The following IL12RB2 variants were observed in gnomAD, a reference collection of about 807,000 sequenced individuals.
IL12RB2 encodes interleukin 12 receptor subunit beta 2.
In IL12RB2, 82 loss-of-function variants were observed where a neutral mutation model predicts 89.4. That is an observed-to-expected ratio of 0.92 (90% confidence interval 0.77 to 1.10). IL12RB2 has a LOEUF of 1.10. Among genes scored for constraint, IL12RB2 ranks in the 50% least tolerant of loss-of-function variants. IL12RB2 has a pLI of 0.00. For synonymous variants in IL12RB2, 368 were observed against 370.1 expected (o/e 0.99, Z 0.07); for missense variants, 963 against 1,031.9 (o/e 0.93, Z 0.92).
At chr1:67,325,967 G>A (rs1657227163) in intron 4 of IL12RB2, among the ~76,000 whole-genome samples, 2 of 152,174 alleles carry the variant, frequency 1.3e-5, no homozygotes, top group Non-Finnish European at 2.9e-5. Flanking sequence ...TACAATAGAA[G>A]GGACCATGCT....
Position 67,398,596 on chromosome 1 carries a change from T to C in IL12RB2, c.*2507T>C, listed in dbSNP as rs921453971. The stretch of plus-strand genomic sequence containing the variant: ...TGAGGCCTCCTCAGCATGATTTCCA[T>C]ATACTTACTTTCTCTGTTGGACTGC... On this transcript the variant is annotated 3_prime_UTR_variant, in exon 17 of 17. Coordinates refer to ENST00000674203, the MANE Select transcript of IL12RB2 (RefSeq NM_001374259.2). Among the ~76,000 whole-genome samples, 18 of 151,804 alleles carry C rather than the reference T, an allele frequency of 1.2e-4. No individual in the cohort carries two copies. The highest frequency in any genetic ancestry group is 1.5e-5 in the Non-Finnish European group (1 of 67,956).
At chr1:67,378,913 A>G (rs1371220035) in intron 13 of IL12RB2, among the ~76,000 whole-genome samples, 1 of 148,924 alleles carries the variant, frequency 6.7e-6, no homozygotes, top group South Asian at 2.1e-4. Context: ...TTAAACTTAC[A>G]TAGGCTGGGT....
chr1:67,322,436 C>CAA (rs56249028), intron 4 of IL12RB2, among the ~76,000 whole-genome samples: 11 of 127,222 alleles, frequency 8.6e-5, no homozygotes, highest in South Asian at 2.7e-4. Flanking sequence ...CTGACTCCAG[C>CAA]AAAAAAAAAA....
intron 11 of IL12RB2, among the ~76,000 whole-genome samples, chr1:67,372,058 G>A (rs1663404027): frequency 8.2e-6 from 1 of 122,634 alleles, no homozygotes; most frequent in Non-Finnish European, 1.8e-5. Flanking sequence ...TTCAAAAGCA[G>A]TCTGGGTGCG....
chr1:67,387,068 A>G (rs2100239443), intron 15 of IL12RB2, among the ~76,000 whole-genome samples: 1 of 151,538 alleles, frequency 6.6e-6, no homozygotes, highest in East Asian at 2.0e-4. Flanking sequence ...AGCTGGGATT[A>G]CAGGTGCCCA....
At chr1:67,365,567 C>T (rs1662580025) in intron 10 of IL12RB2, among the ~76,000 whole-genome samples, 1 of 152,100 alleles carries the variant, frequency 6.6e-6, no homozygotes, top group Admixed American at 6.6e-5. Context: ...TCAGACATTA[C>T]AAAGCCTGGT....
At chr1:67,365,834 C>G (rs1662607037) in intron 10 of IL12RB2, among the ~76,000 whole-genome samples, 1 of 152,044 alleles carries the variant, frequency 6.6e-6, no homozygotes, top group Non-Finnish European at 1.5e-5. Context: ...ATCTTCATGA[C>G]CCTAGGATAG....
Position 67,368,001 on chromosome 1 carries a change from T to C in IL12RB2, c.1435T>C (p.Tyr479His). The C allele has an allele frequency of 6.2e-7, 1 of 1,603,360 alleles. No homozygotes were observed. The highest frequency in any genetic ancestry group is 8.5e-7 in the Non-Finnish European group (1 of 1,170,152). Residue 479 changes from tyrosine to histidine, a missense_variant, in exon 11 of 17, where the codon TAC becomes CAC. By Grantham distance (83) the Tyr-to-His change is moderately conservative. Transcript: ENST00000674203. ...TCTAAACTGGCTACGGAGTCGACCC[T>C]ACAATGTGTCTGCTCTGATTTCAGG... is the stretch of plus-strand genomic sequence containing the variant. ...VPLNWLRSRP[Y>H]NVSALISENI...
chr1:67,344,653 A>G (rs1158784144), intron 9 of IL12RB2, among the ~76,000 whole-genome samples: 1 of 152,188 alleles, frequency 6.6e-6, no homozygotes, highest in Non-Finnish European at 1.5e-5. Context: ...CATGTAATCA[A>G]TTTTTAAAAT....
chr1:67,385,687 C>A (rs1159678159), intron 14 of IL12RB2, among the ~76,000 whole-genome samples: 2 of 152,190 alleles, frequency 1.3e-5, no homozygotes, highest in African/African-American at 4.8e-5. Flanking sequence ...TAGTAAAATG[C>A]TGTAGTTCTT....
chr1:67,315,837 AT>A (rs1419425818), intron 2 of IL12RB2, among the ~76,000 whole-genome samples: 1 of 152,202 alleles, frequency 6.6e-6, no homozygotes, highest in Non-Finnish European at 1.5e-5. Flanking sequence ...TGTCTTTCAT[AT>A]GGGAGTTTCA....
chr1:67,372,286 G>A, intron 11 of IL12RB2, 150 bp from the exon 12 acceptor site: 1 of 670,342 alleles, frequency 1.5e-6, no homozygotes, highest in Non-Finnish European at 2.7e-6. Flanking sequence ...TGTAACATAG[G>A]TCATCAGTCC....
chr1:67,348,391 C>G (rs761369628), intron 9 of IL12RB2, among the ~76,000 whole-genome samples: 1 of 152,156 alleles, frequency 6.6e-6, no homozygotes, highest in African/African-American at 2.4e-5. Flanking sequence ...GGGAGCAGCA[C>G]GTCATAACAG....
At chr1:67,340,857 T>C (rs1403721059) in intron 9 of IL12RB2, among the ~76,000 whole-genome samples, 1 of 152,200 alleles carries the variant, frequency 6.6e-6, no homozygotes, top group Non-Finnish European at 1.5e-5. Context: ...GGTTCTATAA[T>C]GAGGTCTTGG....
chr1:67,356,923 C>G (rs1661456240), intron 10 of IL12RB2, among the ~76,000 whole-genome samples: 1 of 152,122 alleles, frequency 6.6e-6, no homozygotes, highest in Non-Finnish European at 1.5e-5. Context: ...ATGTAAAAAG[C>G]ATCCTTAGAA....
intron 1 of IL12RB2, 66 bp from the exon 2 acceptor site, chr1:67,313,847 G>A (rs1181050763): frequency 6.6e-6 from 1 of 152,040 alleles, no homozygotes; most frequent in Non-Finnish European, 1.5e-5. Context: ...GAGAGAGAGA[G>A]ACTGAGGTTC....
At position 67,330,642 on chromosome 1, in the gene IL12RB2, A is replaced by G; in HGVS notation, c.808-18A>G. 2 of 1,372,544 alleles carry G rather than the reference A, an allele frequency of 1.5e-6. No individual in the cohort carries two copies. Among genetic ancestry groups the G allele is most frequent in the African/African-American group, 1.4e-5 (1 of 70,386 alleles). The allele number at this position is 1,372,544 out of a possible 1,614,324, so 85.0% of individuals were successfully genotyped here. Reference sequence around the variant, plus strand: ...AATCTAGTATTAATAGGCACTTTAAAAAAATGTCTGTTTCAAGGTTAATGT... The same window carrying G: ...AATCTAGTATTAATAGGCACTTTAAGAAAATGTCTGTTTCAAGGTTAATGT... On this transcript the variant is annotated intron_variant, in intron 7 of 16. Transcript: ENST00000674203.
chr1:67,388,727 A>T (rs1456834294), intron 15 of IL12RB2, among the ~76,000 whole-genome samples: 1 of 152,190 alleles, frequency 6.6e-6, no homozygotes, highest in African/African-American at 2.4e-5. Context: ...TATTTTTAGA[A>T]TTTCCTTAGT....
chr1:67,341,692 C>G (rs1318565700), intron 9 of IL12RB2, among the ~76,000 whole-genome samples: 2 of 152,200 alleles, frequency 1.3e-5, no homozygotes, highest in African/African-American at 4.8e-5. Context: ...CCTTCAGTGA[C>G]TCTCTAGTCT....
Sources: allele counts gnomAD v4.1 joint callset (sites outside exome capture counted in the v4.1 genomes callset), GRCh38; gene constraint gnomAD v4.1.1; transcripts MANE v1.5; gene names NCBI Gene and HGNC (gene_info 2026-07-23, HGNC 2026-07-21).